ADCY5: variants seen among roughly 807,000 people sequenced by gnomAD.
ADCY5 encodes the protein adenylate cyclase type 5.
In ADCY5, 30 loss-of-function variants were observed where a neutral mutation model predicts 119.7. That is an observed-to-expected ratio of 0.25 (90% CI 0.19 to 0.34). The LOEUF (loss-of-function observed/expected upper bound fraction) is 0.34, where lower values mean the gene tolerates loss of function less well. Ranked by LOEUF, ADCY5 falls within the 10% of genes least tolerant of loss-of-function variation. The pLI is 1.00. For missense variants in ADCY5, 1,324 were observed against 1,775.2 expected, an observed-to-expected ratio of 0.75 and a Z score of 4.57; for synonymous variants, 753 against 762.2, an observed-to-expected ratio of 0.99 and a Z score of 0.20.
At chr3:123,440,029 G>A (rs947381302) in intron 1 of ADCY5, among the ~76,000 whole-genome samples, 13 of 152,210 alleles carry the variant, frequency 8.5e-5, no homozygotes, top group Admixed American at 3.9e-4. Context: ...CTTCCAAGCC[G>A]AGCTGCGTCG....
At chr3:123,378,996 A>G (rs1197137987) in intron 1 of ADCY5, among the ~76,000 whole-genome samples, 1 of 152,280 alleles carries the variant, frequency 6.6e-6, no homozygotes, top group Non-Finnish European at 1.5e-5. Flanking sequence ...GGCCCTGTGG[A>G]AAAGGCCCAT....
chr3:123,341,504 T>C (rs949672859), intron 3 of ADCY5, among the ~76,000 whole-genome samples: 1 of 151,840 alleles, frequency 6.6e-6, no homozygotes, highest in African/African-American at 2.4e-5. Flanking sequence ...TAGCGCTTAA[T>C]GGGTATACCG....
chr3:123,440,663 C>T (rs545272690), intron 1 of ADCY5, among the ~76,000 whole-genome samples: 36 of 152,316 alleles, frequency 2.4e-4, no homozygotes, highest in South Asian at 2.3e-3. Flanking sequence ...TCATTCTCCA[C>T]ACTCTATACC....
At chr3:123,329,363 G>C (rs1941651925) in intron 5 of ADCY5, among the ~76,000 whole-genome samples, 1 of 152,190 alleles carries the variant, frequency 6.6e-6, no homozygotes, top group Non-Finnish European at 1.5e-5. Flanking sequence ...CAGGGGCTTA[G>C]GGTGCTCCAT....
At position 123,413,067 on chromosome 3, in the gene ADCY5, C is replaced by A. The variant is rs561895780; in HGVS notation, c.1134+34345G>T. On this transcript the variant is annotated intron_variant, in intron 1 of 20. Coordinates refer to ENST00000462833, the MANE Select transcript of ADCY5 (RefSeq NM_183357.3). ...TCCTCAGCAGACACAGGCTTCATGACGCCGGCTCCTCCGGGACGGGACCAG... is the reference window on the plus strand; with the variant it reads ...TCCTCAGCAGACACAGGCTTCATGAAGCCGGCTCCTCCGGGACGGGACCAG... Among the ~76,000 whole-genome samples, 3 of 152,216 alleles carry A rather than the reference C, an allele frequency of 2.0e-5. No homozygotes were observed. The East Asian group carries it at 5.8e-4, about 29-fold the overall frequency.
intron 12 of ADCY5, among the ~76,000 whole-genome samples, chr3:123,306,931 G>A (rs186758405): frequency 6.6e-6 from 1 of 152,346 alleles, no homozygotes; most frequent in East Asian, 1.9e-4. Flanking sequence ...GTAAAGTGCT[G>A]TTACATGCTA....
intron 1 of ADCY5, among the ~76,000 whole-genome samples, chr3:123,431,561 C>T (rs1375422601): frequency 1.3e-5 from 2 of 152,166 alleles, no homozygotes; most frequent in Non-Finnish European, 2.9e-5. Context: ...AGGTTTGCTG[C>T]TCTGCTAAGA....
At chr3:123,331,294 G>A (rs1408707206) in intron 4 of ADCY5, among the ~76,000 whole-genome samples, 1 of 152,194 alleles carries the variant, frequency 6.6e-6, no homozygotes, top group Non-Finnish European at 1.5e-5. Context: ...CCACTCCAGA[G>A]CCCCAAGAGG....
chr3:123,369,576 GC>G (rs1164034464), intron 1 of ADCY5, among the ~76,000 whole-genome samples: 4 of 152,214 alleles, frequency 2.6e-5, no homozygotes, highest in African/African-American at 9.6e-5. Context: ...TCCCTTATTT[GC>G]TGGCTGACCT....
chr3:123,354,371 C>A (rs886666932), intron 1 of ADCY5, among the ~76,000 whole-genome samples: 1 of 152,184 alleles, frequency 6.6e-6, no homozygotes, highest in African/African-American at 2.4e-5. Flanking sequence ...GAACAAAGAC[C>A]TGCGTGTGGC....
chr3:123,287,236 C>A lies in ADCY5; in HGVS notation c.3533-427G>T, dbSNP rs535420368. 118 of 156,698 alleles carry A rather than the reference C, an allele frequency of 7.5e-4. 1 individual carries two copies. Among genetic ancestry groups the A allele is most frequent in the Middle Eastern group, 3.2e-3 (1 of 310 alleles). 9.7% of individuals were successfully genotyped at this position (156,698 alleles called of 1,614,324 possible). A position where few individuals can be genotyped will look rare whatever the true frequency, so the allele number is the denominator to read the frequency against. On this transcript the variant is annotated intron_variant, in intron 19 of 20. Coordinates refer to ENST00000462833, the MANE Select transcript of ADCY5 (RefSeq NM_183357.3). ...TCGCCCTGTGCCAGTCTCCTCTCTC[C>A]AAGTCCTCCTGCTCCCCCGCCTCTG...
chr3:123,342,009 C>T (rs1385730117), intron 3 of ADCY5, among the ~76,000 whole-genome samples: 1 of 152,160 alleles, frequency 6.6e-6, no homozygotes, highest in African/African-American at 2.4e-5. Context: ...GCTGTAACCT[C>T]AGGCTCCTGG....
intron 5 of ADCY5, 61 bp from the exon 6 acceptor site, chr3:123,328,863 G>A: frequency 1.3e-6 from 2 of 1,544,718 alleles, no homozygotes; most frequent in Admixed American, 1.8e-5. Flanking sequence ...CAGAATGGGG[G>A]TGAGGCTGCA....
intron 1 of ADCY5, among the ~76,000 whole-genome samples, chr3:123,434,438 C>A (rs528677624): frequency 6.5e-4 from 99 of 152,306 alleles, no homozygotes; most frequent in African/African-American, 2.3e-3. Context: ...GGGGTTAGGG[C>A]AACTCTGCCA....
At position 123,304,120 on chromosome 3, in the gene ADCY5, G is replaced by A. The variant is rs764153282; in HGVS notation, c.2506C>T (p.Leu836=). The change falls in exon 13 of 21, where the codon CTG becomes TTG. Residue 836 remains leucine, a synonymous_variant. Coordinates refer to ENST00000462833, the MANE Select transcript of ADCY5 (RefSeq NM_183357.3). ...KIVRSKMNST[L]VGVFTITLVF... ...AGGGTGATGGTGAACACCCCAACCAGGGTGCTGTTCATCTTGGACCGCACG... is the reference window on the plus strand; with the variant it reads ...AGGGTGATGGTGAACACCCCAACCAAGGTGCTGTTCATCTTGGACCGCACG... 1.9e-6 allele frequency: 3 copies of A among 1,613,940 alleles called. No individual in the cohort carries two copies. The highest frequency in any genetic ancestry group is 2.5e-6 in the Non-Finnish European group (3 of 1,179,978).
At chr3:123,436,150 A>G (rs934021724) in intron 1 of ADCY5, among the ~76,000 whole-genome samples, 2 of 151,740 alleles carry the variant, frequency 1.3e-5, no homozygotes, top group Non-Finnish European at 2.9e-5. Flanking sequence ...TCAGCCTCCC[A>G]AAGTGTTGGC....
chr3:123,345,735 GAGACAGACAGAC>G lies in ADCY5; in HGVS notation c.1406+2035_1406+2046del, dbSNP rs770505529. Among the ~76,000 whole-genome samples the G allele has an allele frequency of 1.1e-3, 164 of 144,224 alleles. No homozygotes were observed. In the East Asian group the frequency reaches 0.015, roughly 13 times the overall value. 94.6% of individuals were successfully genotyped at this position (144,224 alleles called of 152,430 possible). A position where few individuals can be genotyped will look rare whatever the true frequency, so the allele number is the denominator to read the frequency against. ...GTGGCTCCTCAGTCACAGAGACAGAGAGACAGACAGACAGACAGACAGACAGACAGACAGACA... is the reference window on the plus strand; with the variant it reads ...GTGGCTCCTCAGTCACAGAGACAGAGAGACAGACAGACAGACAGACAGACA... On this transcript the variant is annotated intron_variant, in intron 3 of 20. Transcript: ENST00000462833.
chr3:123,417,922 AG>A (rs1453942317), intron 1 of ADCY5, among the ~76,000 whole-genome samples: 13 of 152,240 alleles, frequency 8.5e-5, no homozygotes, highest in Admixed American at 8.5e-4. Context: ...AGGAAAATGC[AG>A]AGTGGGTGGC....
At chr3:123,365,992 T>G (rs917357578) in intron 1 of ADCY5, among the ~76,000 whole-genome samples, 1 of 152,154 alleles carries the variant, frequency 6.6e-6, no homozygotes, top group Non-Finnish European at 1.5e-5. Context: ...CTAGGAACAT[T>G]TGCAGTGTGG....
Sources: gnomAD v4.1 joint callset for allele counts (sites outside exome capture counted in the v4.1 genomes callset) on GRCh38, gnomAD v4.1.1 for gene constraint, MANE v1.5 for transcripts, NCBI Gene and HGNC (gene_info 2026-07-23, HGNC 2026-07-21) for gene names.